The following ATP9A variants were observed in gnomAD, a reference collection of about 807,000 sequenced individuals.
The protein encoded by ATP9A is probable phospholipid-transporting ATPase IIA.
In ATP9A, 52 loss-of-function variants were observed where a neutral mutation model predicts 144.1. That is an observed-to-expected ratio of 0.36 (90% CI 0.29 to 0.45). The LOEUF (loss-of-function observed/expected upper bound fraction) is 0.45, where lower values mean the gene tolerates loss of function less well. Ranked by LOEUF, ATP9A falls within the 20% of genes least tolerant of loss-of-function variation. The probability of loss-of-function intolerance (pLI) is 1.00; values close to 1 mark genes in which losing one functional copy is unlikely to be tolerated. For missense variants in ATP9A, 947 were observed against 1,392.7 expected (o/e 0.68, Z 5.09); for synonymous variants, 582 against 557.4 (o/e 1.04, Z -0.62).
At chr20:51,603,505 G>T (rs2077151036) in intron 27 of ATP9A, among the ~76,000 whole-genome samples, 1 of 152,176 alleles carries the variant, frequency 6.6e-6, no homozygotes, top group East Asian at 1.9e-4. Flanking sequence ...ACCCGATGGG[G>T]TCCGTAGCAT....
intron 24 of ATP9A, among the ~76,000 whole-genome samples, chr20:51,609,180 G>A (rs1441112366): frequency 6.6e-6 from 1 of 152,118 alleles, no homozygotes; most frequent in Non-Finnish European, 1.5e-5. Flanking sequence ...AGGACCCACG[G>A]GAAAGATGGG....
chr20:51,755,313 T>C (rs1416108868), intron 1 of ATP9A, among the ~76,000 whole-genome samples: 1 of 151,358 alleles, frequency 6.6e-6, no homozygotes, highest in African/African-American at 2.4e-5. Flanking sequence ...CACGGGCCTG[T>C]AATCCCAGCT....
At chr20:51,730,194 C>T (rs113261449) in intron 1 of ATP9A, among the ~76,000 whole-genome samples, 91 of 152,292 alleles carry the variant, frequency 6.0e-4, no homozygotes, top group African/African-American at 1.9e-3. Flanking sequence ...CCTGGCCAGG[C>T]GCGGTGGCTC....
intron 9 of ATP9A, among the ~76,000 whole-genome samples, chr20:51,682,577 C>CTTTTTTTATTTTTTTTTTTTTTT (rs2077504549): frequency 2.9e-5 from 1 of 35,076 alleles, no homozygotes; most frequent in Non-Finnish European, 5.3e-5. Flanking sequence ...TTCACTGTAT[C>CTTTTTTTATTTTTTTTTTTTTTT]TTTTTTTTTT....
At chr20:51,696,966 T>C (rs1362784599) in intron 5 of ATP9A, among the ~76,000 whole-genome samples, 1 of 152,208 alleles carries the variant, frequency 6.6e-6, no homozygotes, top group Non-Finnish European at 1.5e-5. Flanking sequence ...TTGGTCTTTT[T>C]ACTGTTCTCA....
intron 17 of ATP9A, 145 bp from the exon 18 acceptor site, chr20:51,625,507 G>A (rs2077244678): frequency 3.4e-6 from 3 of 881,006 alleles, no homozygotes; most frequent in South Asian, 1.9e-5. Context: ...CCACAGGGGT[G>A]ACATAGGCTT....
chr20:51,666,076 C>T (rs943600184), intron 13 of ATP9A, among the ~76,000 whole-genome samples: 1 of 152,166 alleles, frequency 6.6e-6, no homozygotes, highest in Non-Finnish European at 1.5e-5. Flanking sequence ...GGAGTGAGGG[C>T]CCCTGGGTCA....
chr20:51,603,844 G>A (rs886180160), intron 27 of ATP9A, among the ~76,000 whole-genome samples: 1 of 152,088 alleles, frequency 6.6e-6, no homozygotes, highest in East Asian at 1.9e-4. Context: ...GCAGTGGCGT[G>A]ATCTCAGCTC....
chr20:51,730,184 C>T (rs1218484918), intron 1 of ATP9A, among the ~76,000 whole-genome samples: 1 of 152,124 alleles, frequency 6.6e-6, no homozygotes, highest in Non-Finnish European at 1.5e-5. Flanking sequence ...GATGCTTTGT[C>T]CTGGCCAGGC....
Position 51,674,136 on chromosome 20 carries a change from G to C in ATP9A, c.1037+17C>G. The C allele has an allele frequency of 6.2e-7, 1 of 1,611,612 alleles. No individual in the cohort carries two copies. Among genetic ancestry groups the C allele is most frequent in the Non-Finnish European group, 8.5e-7 (1 of 1,178,710 alleles). On this transcript the variant is annotated intron_variant, in intron 11 of 27. Coordinates refer to ENST00000338821, the MANE Select transcript of ATP9A (RefSeq NM_006045.3). ...AAGATGTCACGGCAGCCAAACTCAAGCTCGTCGCCTGCTTACCTAATGGGG... is the reference window on the plus strand; with the variant it reads ...AAGATGTCACGGCAGCCAAACTCAACCTCGTCGCCTGCTTACCTAATGGGG...
In ATP9A at chr20:51,603,973, G is replaced by A. The variant is rs559821139; in HGVS notation, c.3007+844C>T. Among the ~76,000 whole-genome samples the A allele has an allele frequency of 1.9e-3, 293 of 152,138 alleles. 1 individual carries two copies. Among genetic ancestry groups the A allele is most frequent in the African/African-American group, 6.9e-3 (287 of 41,498 alleles). The stretch of plus-strand genomic sequence containing the variant: ...TTTTTGTATTTTTAGTAGAGATGGG[G>A]TTTCACCATGTTGACCAGACCGGTC... On this transcript the variant is annotated intron_variant, in intron 27 of 27. Coordinates refer to ENST00000338821, the MANE Select transcript of ATP9A (RefSeq NM_006045.3).
intron 4 of ATP9A, among the ~76,000 whole-genome samples, chr20:51,706,529 G>A (rs533758270): frequency 6.6e-6 from 1 of 152,238 alleles, no homozygotes; most frequent in Non-Finnish European, 1.5e-5. Context: ...GGGAAGCCAA[G>A]GCAGGAGGAT....
chr20:51,661,824 G>C (rs1338491191), intron 13 of ATP9A, among the ~76,000 whole-genome samples: 3 of 152,100 alleles, frequency 2.0e-5, no homozygotes, highest in Non-Finnish European at 4.4e-5. Flanking sequence ...AATCAGCTGA[G>C]CCACAGGCTG....
intron 19 of ATP9A, among the ~76,000 whole-genome samples, chr20:51,620,801 C>T (rs1050407209): frequency 1.3e-5 from 2 of 152,092 alleles, no homozygotes; most frequent in African/African-American, 4.8e-5. Flanking sequence ...GGGGGGAGTG[C>T]GTGAGCTTGT....
At chr20:51,687,899 A>G (rs2077530634) in intron 9 of ATP9A, among the ~76,000 whole-genome samples, 1 of 152,234 alleles carries the variant, frequency 6.6e-6, no homozygotes, top group Non-Finnish European at 1.5e-5. Context: ...ATCTAATAGT[A>G]AAGACAGAAA....
intron 1 of ATP9A, among the ~76,000 whole-genome samples, chr20:51,742,326 A>G: frequency 7.3e-6 from 1 of 137,344 alleles, no homozygotes; most frequent in South Asian, 2.2e-4. Flanking sequence ...CACTGTCTCA[A>G]AAAAAAAAAA....
chr20:51,739,586 C>T (rs559148617), intron 1 of ATP9A, among the ~76,000 whole-genome samples: 1 of 151,984 alleles, frequency 6.6e-6, no homozygotes, highest in Admixed American at 6.6e-5. Flanking sequence ...GATCTCCTGA[C>T]CTCACCTACA....
intron 1 of ATP9A, among the ~76,000 whole-genome samples, chr20:51,756,764 G>A (rs2077858112): frequency 6.6e-6 from 1 of 152,094 alleles, no homozygotes; most frequent in Non-Finnish European, 1.5e-5. Flanking sequence ...GGGAGGTGTG[G>A]GGGATCCACG....
intron 13 of ATP9A, among the ~76,000 whole-genome samples, chr20:51,658,232 G>T (rs1157489834): frequency 6.6e-6 from 1 of 152,094 alleles, no homozygotes; most frequent in East Asian, 1.9e-4. Flanking sequence ...GGCCAAGGCG[G>T]GTGGATCACT....
Sources: gnomAD v4.1 joint callset for allele counts (sites outside exome capture counted in the v4.1 genomes callset) on GRCh38, gnomAD v4.1.1 for gene constraint, MANE v1.5 for transcripts, NCBI Gene and HGNC (gene_info 2026-07-23, HGNC 2026-07-21) for gene names.